EIF2A: variants seen among roughly 807,000 people sequenced by gnomAD.
EIF2A encodes eukaryotic translation initiation factor 2A, also known as 65 kDa eukaryotic translation initiation factor 2A.
Under a neutral mutation model 75.2 loss-of-function variants are expected in EIF2A, and 62 were observed. The observed-to-expected ratio is 0.82, with a 90% CI of 0.67 to 1.02. The LOEUF (loss-of-function observed/expected upper bound fraction) is 1.02, where lower values mean the gene tolerates loss of function less well. EIF2A is among the 50% of genes least tolerant of loss of function. The pLI, the probability that EIF2A is intolerant of heterozygous loss-of-function variation, is 0.00. For missense variants in EIF2A, 611 were observed against 677.7 expected, an observed-to-expected ratio of 0.90 and a Z score of 1.09; for synonymous variants, 207 against 239.0, an observed-to-expected ratio of 0.87 and a Z score of 1.23.
intron 3 of EIF2A, among the ~76,000 whole-genome samples, chr3:150,560,944 T>A (rs1161537796): frequency 1.3e-5 from 2 of 152,044 alleles, no homozygotes; most frequent in Non-Finnish European, 2.9e-5. Context: ...GTACATAAAG[T>A]GGTTAGGTAC....
At chr3:150,563,236 G>A (rs1046657531) in intron 4 of EIF2A, among the ~76,000 whole-genome samples, 3 of 151,970 alleles carry the variant, frequency 2.0e-5, no homozygotes, top group Non-Finnish European at 2.9e-5. Context: ...GGTCATTATT[G>A]GCTTACAAAC....
chr3:150,562,444 G>T, intron 3 of EIF2A, 98 bp from the exon 4 acceptor site: 4 of 896,630 alleles, frequency 4.5e-6, no homozygotes, highest in Non-Finnish European at 6.6e-6. Context: ...TCAACATTTT[G>T]GAGTGATCTG....
intron 3 of EIF2A, among the ~76,000 whole-genome samples, chr3:150,560,997 ATTGTCATTT>A (rs1287905912): frequency 6.6e-6 from 1 of 152,072 alleles, no homozygotes; most frequent in Non-Finnish European, 1.5e-5. Context: ...TCATACAATT[ATTGTCATTT>A]TTGTCATTGT....
At chr3:150,583,004 C>T in intron 12 of EIF2A, 196 bp from the exon 13 acceptor site, 1 of 541,822 alleles carries the variant, frequency 1.8e-6, no homozygotes, top group Non-Finnish European at 3.2e-6. Flanking sequence ...AATATTTTGC[C>T]AAATCTCATG....
intron 11 of EIF2A, among the ~76,000 whole-genome samples, chr3:150,580,705 G>A (rs1378437210): frequency 3.3e-5 from 5 of 152,008 alleles, no homozygotes; most frequent in Non-Finnish European, 5.9e-5. Flanking sequence ...TGGCATATCC[G>A]AATTGCCAGC....
Position 150,584,055 on chromosome 3 carries a change from T to A in EIF2A, c.*144T>A. On this transcript the variant is annotated 3_prime_UTR_variant, in exon 14 of 14. Transcript: ENST00000460851. ...CATTTATCCAAGATTCTACTAAGTG[T>A]AAAATTATTTAATAATGTCTATTAA... 2 of 664,472 alleles carry A rather than the reference T, an allele frequency of 3.0e-6. No individual in the cohort carries two copies. Among genetic ancestry groups the A allele is most frequent in the Non-Finnish European group, 4.9e-6 (2 of 410,100 alleles). The allele number at this position is 664,472 out of a possible 1,614,324, so 41.2% of individuals were successfully genotyped here.
At chr3:150,554,321 A>C (rs1723459189) in intron 2 of EIF2A, among the ~76,000 whole-genome samples, 1 of 152,192 alleles carries the variant, frequency 6.6e-6, no homozygotes, top group African/African-American at 2.4e-5. Flanking sequence ...TCAAGCATTT[A>C]TCTTGCCTTT....
chr3:150,552,425 G>T lies in EIF2A; in HGVS notation c.98G>T (p.Arg33Met). ...PHFTESTVFP[R>M]ESGKNCKVCI... Reference sequence around the variant, plus strand: ...TTTACAGAAAGCACAGTGTTTCCAAGGTATGATTTATTTTGTTAAGTAATG... The same window carrying T: ...TTTACAGAAAGCACAGTGTTTCCAATGTATGATTTATTTTGTTAAGTAATG... The change falls in exon 2 of 14, where the codon AGG becomes ATG. Residue 33 changes from arginine (R) to methionine (M), a missense_variant and splice_region_variant. Physicochemically the swap from Arg to Met is moderately conservative, Grantham distance 91 (BLOSUM62 -1). Transcript: ENST00000460851. 1 of 1,551,782 alleles carries T rather than the reference G, an allele frequency of 6.4e-7. No individual in the cohort carries two copies. Among genetic ancestry groups the T allele is most frequent in the South Asian group, 1.2e-5 (1 of 84,020 alleles).
intron 6 of EIF2A, 45 bp downstream of exon 6, chr3:150,564,426 T>C (rs773884156): frequency 1.4e-6 from 2 of 1,427,216 alleles, no homozygotes; most frequent in Admixed American, 2.5e-5. Flanking sequence ...ACTGTAATCG[T>C]ATACAGTTTC....
intron 11 of EIF2A, among the ~76,000 whole-genome samples, chr3:150,579,268 T>G (rs776694964): frequency 5.3e-5 from 8 of 152,220 alleles, no homozygotes; most frequent in Admixed American, 1.3e-4. Context: ...AATATAAAAC[T>G]GCCTATTACC....
rs1344526623 is a variant in EIF2A at position 150,575,249 on chromosome 3, C to T, written c.1384-400C>T. On this transcript the variant is annotated intron_variant, in intron 10 of 13. Coordinates refer to ENST00000460851, the MANE Select transcript of EIF2A (RefSeq NM_032025.5). ...TCTGATTTTACAAGTAAAGATCTAG[C>T]AAGTAATTCTTTGTGTGAAGAAAAC... 2.0e-5 allele frequency among the ~76,000 whole-genome samples: 3 copies of T among 152,134 alleles called. No homozygotes were observed. In the East Asian group the frequency reaches 5.8e-4, roughly 29 times the overall value.
At position 150,549,309 on chromosome 3, in the gene EIF2A, C is replaced by A. The variant is rs550554970; in HGVS notation, c.28+2479C>A. On this transcript the variant is annotated intron_variant, in intron 1 of 13. Transcript: ENST00000460851. ...TCTTGGCTCGCTGCAACCTCCACCT[C>A]CCAAGTGCAAGCAATTCTTCTGCCT... 7.3e-5 allele frequency among the ~76,000 whole-genome samples: 11 copies of A among 151,670 alleles called. 1 individual carries two copies. Among genetic ancestry groups the A allele is most frequent in the Admixed American group, 4.6e-4 (7 of 15,236 alleles).
At chr3:150,582,201 A>G (rs1474317200) in intron 12 of EIF2A, among the ~76,000 whole-genome samples, 1 of 150,148 alleles carries the variant, frequency 6.7e-6, no homozygotes, top group African/African-American at 2.5e-5. Flanking sequence ...GGGTTTCACC[A>G]TGTTGGCCAG....
chr3:150,550,319 G>T (rs1046446285), intron 1 of EIF2A, among the ~76,000 whole-genome samples: 1 of 152,162 alleles, frequency 6.6e-6, no homozygotes, highest in African/African-American at 2.4e-5. Context: ...AGGATTCCTT[G>T]TTAGAAAGTT....
intron 10 of EIF2A, among the ~76,000 whole-genome samples, chr3:150,574,700 CT>C (rs1291743305): frequency 6.6e-6 from 1 of 152,192 alleles, no homozygotes; most frequent in African/African-American, 2.4e-5. Context: ...GATAAGGTCA[CT>C]TTATGGTTTC....
At chr3:150,558,270 A>C (rs568231838) in intron 2 of EIF2A, 118 bp from the exon 3 acceptor site, 1 of 898,440 alleles carries the variant, frequency 1.1e-6, no homozygotes, top group South Asian at 1.9e-5. Flanking sequence ...GAATTTTCTG[A>C]AATTTGTGCA....
chr3:150,551,991 T>C (rs947768502), intron 1 of EIF2A, among the ~76,000 whole-genome samples: 2 of 152,222 alleles, frequency 1.3e-5, no homozygotes, highest in African/African-American at 2.4e-5. Context: ...TGTTCTGATA[T>C]TTCCATTTTA....
intron 2 of EIF2A, among the ~76,000 whole-genome samples, chr3:150,556,346 T>C (rs189266495): frequency 3.9e-4 from 59 of 152,306 alleles, no homozygotes; most frequent in African/African-American, 1.2e-3. Flanking sequence ...ACTCAGAATT[T>C]AGTCAGTCTT....
intron 6 of EIF2A, chr3:150,564,652 G>T: frequency 4.1e-6 from 1 of 244,310 alleles, no homozygotes; most frequent in Non-Finnish European, 7.8e-6. Flanking sequence ...TTGAAATTCT[G>T]TGACACAAAT....
Sources: allele counts gnomAD v4.1 joint callset (sites outside exome capture counted in the v4.1 genomes callset), GRCh38; gene constraint gnomAD v4.1.1; transcripts MANE v1.5; gene names NCBI Gene and HGNC (gene_info 2026-07-23, HGNC 2026-07-21).